Variants in MICAL1 observed in about 807,000 individuals in gnomAD.
MICAL1 encodes the protein [F-actin]-monooxygenase MICAL1.
In MICAL1, 95 loss-of-function variants were observed where a neutral mutation model predicts 131.8. The observed-to-expected ratio is 0.72, with a 90% confidence interval of 0.61 to 0.86. MICAL1 has a LOEUF of 0.86. MICAL1 is among the 40% of genes least tolerant of loss of function. The pLI, the probability that MICAL1 is intolerant of heterozygous loss-of-function variation, is 0.00. For missense variants in MICAL1, 1,292 were observed against 1,380.6 expected, an observed-to-expected ratio of 0.94 and a Z score of 1.02; for synonymous variants, 546 against 554.2, an observed-to-expected ratio of 0.99 and a Z score of 0.21.
chr6:109,449,714 C>A lies in MICAL1; in HGVS notation c.1377G>T (p.Gly459=). 6.3e-7 allele frequency: 1 copy of A among 1,598,434 alleles called. No homozygotes were observed. ...ENMHRNVAQY[G]LDPATRYPNL... is the part of the protein sequence containing the mutation. ...TGGGGTAGCGGGTGGCTGGGTCCAGCCCATACTGGGCCACATTGCGATGCA... is the reference window on the plus strand; with the variant it reads ...TGGGGTAGCGGGTGGCTGGGTCCAGACCATACTGGGCCACATTGCGATGCA... Residue 459 remains glycine, a synonymous_variant, in exon 10 of 25, where the codon GGG becomes GGT. Coordinates refer to ENST00000358807, the MANE Select transcript of MICAL1 (RefSeq NM_022765.4).
At chr6:109,464,895 A>G (rs1177602707) in intron 1 of MICAL1, 1 of 152,248 alleles carries the variant, frequency 6.6e-6, no homozygotes, top group African/African-American at 2.4e-5. Flanking sequence ...ATCTCCAGAA[A>G]GTTATCAGAC....
rs1336361256 is a variant in MICAL1 at position 109,465,586 on chromosome 6, A to G, written c.14+78T>C. 11 of 1,456,940 alleles carry G rather than the reference A, an allele frequency of 7.6e-6. No homozygotes were observed. In the East Asian group the frequency reaches 2.2e-4, roughly 29 times the overall value. The allele number at this position is 1,456,940 out of a possible 1,614,324, so 90.3% of individuals were successfully genotyped here. A position where few individuals can be genotyped will look rare whatever the true frequency, so the allele number is the denominator to read the frequency against. On this transcript the variant is annotated intron_variant, in intron 1 of 24. Coordinates refer to the MICAL1 transcript ENST00000630715. ...AGATCAATGCCCCCAAAGAAAAACT[A>G]CCCGAGTCTTTATGAGACATTGCAG...
rs368710367 is a variant in MICAL1, at chr6:109,454,210, G to A, written c.-14C>T. The A allele has an allele frequency of 4.6e-5, 73 of 1,585,242 alleles. No individual in the cohort carries two copies. The African/African-American group carries it at 9.2e-4, about 20-fold the overall frequency. Reference sequence around the variant, plus strand: ...AGGTGAAGCCATGGAGGCCTCCTGGGGAGGGCAGCAGCTGGGCAGAGATGA... The same window carrying A: ...AGGTGAAGCCATGGAGGCCTCCTGGAGAGGGCAGCAGCTGGGCAGAGATGA... On this transcript the variant is annotated 5_prime_UTR_variant, in exon 2 of 25. Coordinates refer to ENST00000358807, the MANE Select transcript of MICAL1 (RefSeq NM_022765.4).
Position 109,453,837 on chromosome 6 carries a change from C to G in MICAL1, c.267G>C (p.Val89=), listed in dbSNP as rs760336259. ...GCAGCCCGCAAGGTCCAGCACCCAC[C>G]ACCAGGCACTGTGAACACACAGGGC... ...GRACTSTKCL[V]VGAGPCGLRV... Residue 89 remains valine (V), a synonymous_variant, in exon 3 of 25, where the codon GTG becomes GTC. Coordinates refer to ENST00000358807, the MANE Select transcript of MICAL1 (RefSeq NM_022765.4). 1.2e-6 allele frequency: 2 copies of G among 1,613,372 alleles called. No individual in the cohort carries two copies. Among genetic ancestry groups the G allele is most frequent in the Admixed American group, 1.7e-5 (1 of 60,026 alleles).
Position 109,446,873 on chromosome 6 carries a change from G to T in MICAL1, c.2228-101C>A, listed in dbSNP as rs1562287641. 6.1e-6 allele frequency: 8 copies of T among 1,322,120 alleles called. No individual in the cohort carries two copies. In the East Asian group the frequency reaches 1.2e-4, roughly 20 times the overall value. The allele number at this position is 1,322,120 out of a possible 1,614,324, so 81.9% of individuals were successfully genotyped here. ...AAGGTGGGGAAAACAAGACAGATTT[G>T]CAGGTGAATTTCTGCCAGCCTCCTG... On this transcript the variant is annotated intron_variant, in intron 17 of 24. Coordinates refer to ENST00000358807, the MANE Select transcript of MICAL1 (RefSeq NM_022765.4).
At chr6:109,457,893 T>C (rs1006918252), upstream of MICAL1, among the ~76,000 whole-genome samples, 2 of 152,212 alleles carry the variant, frequency 1.3e-5, no homozygotes, top group East Asian at 3.9e-4. Flanking sequence ...AGGGAATACA[T>C]TGTTCTGGAA....
chr6:109,451,874 C>T (rs950098748), intron 6 of MICAL1, 174 bp from the exon 7 acceptor site: 27 of 1,408,966 alleles, frequency 1.9e-5, no homozygotes, highest in African/African-American at 4.4e-5. Context: ...TGTCCCAGGC[C>T]CAGGAGGCCT....
At chr6:109,457,548 GAGATCCAGAGACCA>G (rs1775786025), upstream of MICAL1, among the ~76,000 whole-genome samples, 1 of 30,194 alleles carries the variant, frequency 3.3e-5, no homozygotes, top group African/African-American at 1.6e-3. Context: ...GAGACCATAA[GAGATCCAGAGACCA>G]TAAGAGATCC....
rs1775658842 is a variant in MICAL1, at chr6:109,454,207, T to C, written c.-11A>G. 3.8e-6 allele frequency: 6 copies of C among 1,587,110 alleles called. No individual in the cohort carries two copies. The highest frequency in any genetic ancestry group is 5.1e-6 in the Non-Finnish European group (6 of 1,166,760). On this transcript the variant is annotated 5_prime_UTR_variant, in exon 2 of 25. Coordinates refer to ENST00000358807, the MANE Select transcript of MICAL1 (RefSeq NM_022765.4). ...GGTAGGTGAAGCCATGGAGGCCTCC[T>C]GGGGAGGGCAGCAGCTGGGCAGAGA...
At chr6:109,452,833 G>T (rs894433872) in intron 4 of MICAL1, among the ~76,000 whole-genome samples, 1 of 152,186 alleles carries the variant, frequency 6.6e-6, no homozygotes, top group Non-Finnish European at 1.5e-5. Context: ...CTGAGGCTCA[G>T]AGTGGCTTGC....
chr6:109,445,584 A>G (rs1582636409), intron 20 of MICAL1, 55 bp from the exon 21 acceptor site: 2 of 1,597,882 alleles, frequency 1.3e-6, no homozygotes, highest in Non-Finnish European at 1.7e-6. Context: ...GGTGGATAGG[A>G]GTGTTGTTTG....
chr6:109,451,672 G>A lies in MICAL1; in HGVS notation c.861C>T (p.Tyr287=). The A allele has an allele frequency of 1.9e-6, 3 of 1,614,072 alleles. No homozygotes were observed. Among genetic ancestry groups the A allele is most frequent in the South Asian group, 2.2e-5 (2 of 91,086 alleles). ...TGIDLENIVY[Y]KDDTHYFVMT... is the part of the protein sequence containing the mutation. Reference sequence around the variant, plus strand: ...TCACAAAGTAGTGGGTGTCGTCCTTGTAGTACACAATGTTCTCCAGATCAA... The same window carrying A: ...TCACAAAGTAGTGGGTGTCGTCCTTATAGTACACAATGTTCTCCAGATCAA... Residue 287 remains tyrosine, a synonymous_variant, in exon 7 of 25, where the codon TAC becomes TAT. Transcript: ENST00000358807.
rs555753165 is a variant in MICAL1 at position 109,463,319 on chromosome 6, A to G, written c.14+2345T>C. ...TTTTTTATTCAAAGGGGTAGAATGT[A>G]TATGTGGGACAAAGAAAGAGGCTAG... On this transcript the variant is annotated intron_variant, in intron 1 of 24. Coordinates refer to the MICAL1 transcript ENST00000630715. 3 of 152,284 alleles carry G rather than the reference A, an allele frequency of 2.0e-5. No individual in the cohort carries two copies. In the East Asian group the frequency reaches 5.8e-4, roughly 29 times the overall value. The allele number at this position is 152,284 out of a possible 1,614,324, so 9.4% of individuals were successfully genotyped here. A position where few individuals can be genotyped will look rare whatever the true frequency, so the allele number is the denominator to read the frequency against.
rs767030676 is a variant in MICAL1 at position 109,446,767 on chromosome 6, A to G, written c.2233T>C (p.Phe745Leu). ...GYEQHPGDGH[F>L]YCLQHLPQTD... ...TGGGGCAGGTGCTGGAGGCAGTAGA[A>G]ATGTCCTGGAAAGGGTAGAGAGGGG... The change falls in exon 18 of 25, where the codon TTC becomes CTC. Residue 745 changes from phenylalanine to leucine, a missense_variant. Coordinates refer to ENST00000358807, the MANE Select transcript of MICAL1 (RefSeq NM_022765.4). 4.3e-6 allele frequency: 7 copies of G among 1,613,328 alleles called. No homozygotes were observed. Among genetic ancestry groups the G allele is most frequent in the Non-Finnish European group, 5.9e-6 (7 of 1,179,842 alleles).
In MICAL1 at chr6:109,455,447, C is replaced by T. The variant is rs1775708381; in HGVS notation, c.-44+272G>A. The stretch of plus-strand genomic sequence containing the variant: ...CGGCGAAAGGGGAGAAAGGAGCGAC[C>T]CAGCCTGGAAACGCCAGGACAAAGG... On this transcript the variant is annotated intron_variant, in intron 1 of 24. Transcript: ENST00000358807. The surrounding 1 kb of genome is among the most constrained non-coding windows in gnomAD (Gnocchi z 4.7). 6.6e-6 allele frequency among the ~76,000 whole-genome samples: 1 copy of T among 152,116 alleles called. No homozygotes were observed. The highest frequency in any genetic ancestry group is 2.4e-5 in the African/African-American group (1 of 41,420).
rs35495138 is a variant in MICAL1 at position 109,450,046 on chromosome 6, G to A, written c.1231C>T (p.Leu411=). 2.1e-3 allele frequency: 3,406 copies of A among 1,614,094 alleles called. 75 individuals carry two copies. The African/African-American group carries it at 0.04, about 19-fold the overall frequency. The change falls in exon 9 of 25, where the codon CTG becomes TTG. Residue 411 remains leucine (L), a synonymous_variant. Coordinates refer to ENST00000358807, the MANE Select transcript of MICAL1 (RefSeq NM_022765.4). Reference sequence around the variant, plus strand: ...ATCCAGGCTGCATCAAAGGCTGCCAGGAAGCCCCGTGCCACTCCAGTGCCC... The same window carrying A: ...ATCCAGGCTGCATCAAAGGCTGCCAAGAAGCCCCGTGCCACTCCAGTGCCC... ...PLGTGVARGF[L]AAFDAAWMVK...
chr6:109,452,460 G>A, intron 5 of MICAL1, 51 bp downstream of exon 5: 1 of 1,611,606 alleles, frequency 6.2e-7, no homozygotes, highest in Non-Finnish European at 8.5e-7. Context: ...ATCTAGAAAG[G>A]CCCAGGATGT....
chr6:109,448,032 A>T, intron 13 of MICAL1, 69 bp from the exon 14 acceptor site: 2 of 1,485,208 alleles, frequency 1.3e-6, no homozygotes, highest in Non-Finnish European at 1.8e-6. Flanking sequence ...ACAGACAGTC[A>T]CTCTCCAACC....
At position 109,447,427 on chromosome 6, in the gene MICAL1, G is replaced by A. The variant is rs539010110; in HGVS notation, c.2000C>T (p.Thr667Ile). The change falls in exon 16 of 25, where the codon ACC (threonine) becomes ATC (isoleucine). Residue 667 changes from threonine to isoleucine, a missense_variant. Thr to Ile is a moderately conservative substitution (Grantham distance 89). Coordinates refer to ENST00000358807, the MANE Select transcript of MICAL1 (RefSeq NM_022765.4). ...GTCAGGTGGCACCTCAGTACTTGGG[G>A]TCTCGGCCTCCATCTAAGGAGGTAA... ...KKLRLEMEAE[T>I]PSTEVPPDPE... 2.9e-5 allele frequency: 46 copies of A among 1,613,116 alleles called. No homozygotes were observed. The highest frequency in any genetic ancestry group is 2.6e-4 in the South Asian group (24 of 90,990).
Sources: gnomAD v4.1 joint callset for allele counts (sites outside exome capture counted in the v4.1 genomes callset) on GRCh38, gnomAD v4.1.1 for gene constraint, Gnocchi (gnomAD v3.1) non-coding constraint, MANE v1.5 for transcripts, NCBI Gene and HGNC (gene_info 2026-07-23, HGNC 2026-07-21) for gene names.